The following RC3H1 variants were observed in gnomAD, a reference collection of about 807,000 sequenced individuals.
The protein encoded by RC3H1 is roquin-1.
A neutral mutation model predicts 138.2 loss-of-function variants in RC3H1; 50 were observed. The observed-to-expected ratio is 0.36, with a 90% CI of 0.29 to 0.46. The LOEUF (loss-of-function observed/expected upper bound fraction) is 0.46. Among genes scored for constraint, RC3H1 ranks in the 20% least tolerant of loss-of-function variants. The pLI is 1.00. For synonymous variants in RC3H1, 462 were observed against 489.1 expected, an observed-to-expected ratio of 0.94 and a Z score of 0.73; for missense variants, 1,031 against 1,388.1, an observed-to-expected ratio of 0.74 and a Z score of 4.09.
intron 1 of RC3H1, among the ~76,000 whole-genome samples, chr1:173,998,184 T>C (rs745822891): frequency 4.6e-5 from 7 of 152,148 alleles, no homozygotes; most frequent in Admixed American, 2.0e-4. Flanking sequence ...ATTCTACTAA[T>C]CAAAGCACAT....
At chr1:173,947,315 G>A (rs1659175966) in intron 15 of RC3H1, 54 bp downstream of exon 15, 15 of 1,248,950 alleles carry the variant, frequency 1.2e-5, no homozygotes, top group South Asian at 1.1e-4. Flanking sequence ...CAGGGGTAAT[G>A]CTGAAAGTCA....
At chr1:174,007,780 A>AT (rs934146536) in intron 1 of RC3H1, among the ~76,000 whole-genome samples, 3 of 152,070 alleles carry the variant, frequency 2.0e-5, no homozygotes, top group South Asian at 2.1e-4. Context: ...TTTTTGTTAG[A>AT]TTTTTTTTCC....
chr1:173,940,373 AG>A (rs1323840607), intron 19 of RC3H1, among the ~76,000 whole-genome samples: 1 of 152,154 alleles, frequency 6.6e-6, no homozygotes, highest in Admixed American at 6.6e-5. Flanking sequence ...CGAGAGGCTA[AG>A]GCAGGAGAAT....
rs969519634 is a variant in RC3H1, at chr1:173,993,071, AG to A, written c.-87del. On this transcript the variant is annotated 5_prime_UTR_variant, in exon 2 of 20. Transcript: ENST00000367696. ...ACTGGAATCAAAATCTTTGAAAAAA[AG>A]TTTATCTTTTTTTTTTTTAAATATC... is the stretch of plus-strand genomic sequence containing the variant. 6.1e-5 allele frequency: 62 copies of A among 1,010,730 alleles called. No homozygotes were observed. Among genetic ancestry groups the A allele is most frequent in the Non-Finnish European group, 9.3e-5 (62 of 669,872 alleles). The allele number at this position is 1,010,730 out of a possible 1,614,324, so 62.6% of individuals were successfully genotyped here. A position where few individuals can be genotyped will look rare whatever the true frequency, so the allele number is the denominator to read the frequency against.
chr1:173,939,120 G>A (rs990034108), intron 19 of RC3H1, among the ~76,000 whole-genome samples: 2 of 151,624 alleles, frequency 1.3e-5, no homozygotes, highest in African/African-American at 4.9e-5. Flanking sequence ...TTTGTTTAAC[G>A]TATTATCCAC....
intron 2 of RC3H1, among the ~76,000 whole-genome samples, chr1:173,990,628 A>C (rs1051704596): frequency 6.7e-6 from 1 of 149,774 alleles, no homozygotes; most frequent in Non-Finnish European, 1.5e-5. Context: ...GCTGGAGTGC[A>C]GTGGTGCGAT....
chr1:173,948,184 A>G (rs1366084731), intron 14 of RC3H1, among the ~76,000 whole-genome samples: 1 of 152,216 alleles, frequency 6.6e-6, no homozygotes, highest in East Asian at 1.9e-4. Flanking sequence ...AAAATGGGCC[A>G]GTTTTCCAAA....
In RC3H1 at chr1:174,022,028, A is replaced by G. The variant is rs1661976795; in HGVS notation, c.-151+68T>C. The G allele has an allele frequency of 2.6e-6, 1 of 390,922 alleles. No individual in the cohort carries two copies. The highest frequency in any genetic ancestry group is 3.7e-5 in the East Asian group (1 of 27,374). 24.2% of individuals were successfully genotyped at this position (390,922 alleles called of 1,614,324 possible). A position where few individuals can be genotyped will look rare whatever the true frequency, so the allele number is the denominator to read the frequency against. ...AAACCCTTCCCGACCACAGCTGCCT[A>G]TTGTTCCCGACTGAGGCCCCGGCCG... On this transcript the variant is annotated intron_variant, in intron 1 of 19. Transcript: ENST00000367696. This position sits in a 1 kb window ranked among gnomAD's most constrained non-coding sequence, Gnocchi z 4.2.
chr1:173,952,130 A>C lies in RC3H1; in HGVS notation c.2379T>G (p.Asp793Glu). The C allele has an allele frequency of 6.6e-7, 1 of 1,510,554 alleles. No individual in the cohort carries two copies. The allele number at this position is 1,510,554 out of a possible 1,614,324, so 93.6% of individuals were successfully genotyped here. A position where few individuals can be genotyped will look rare whatever the true frequency, so the allele number is the denominator to read the frequency against. The change falls in exon 14 of 20, where the codon GAT (aspartate) becomes GAG (glutamate). Residue 793 changes from aspartate to glutamate, a missense_variant. Asp to Glu is a conservative substitution (Grantham distance 45). Around this residue, in one of 7 missense-constraint regions of RC3H1, gnomAD observed 716 missense variants for 837.9 expected, o/e 0.85. Transcript: ENST00000367696. ...PPTFHPEEFL[D>E]EDLKVAGKYK... ...ATTTCCCAGCTACCTTCAAGTCTTC[A>C]TCCAAAAACTACAGATGGAGAAAGA...
intron 2 of RC3H1, among the ~76,000 whole-genome samples, chr1:173,989,297 G>A (rs189801824): frequency 2.9e-4 from 44 of 151,460 alleles, no homozygotes; most frequent in Non-Finnish European, 5.6e-4. Flanking sequence ...CTGGGCTCAG[G>A]TGATGCTCCC....
chr1:173,942,022 C>T (rs1195926113), intron 18 of RC3H1, among the ~76,000 whole-genome samples: 1 of 146,544 alleles, frequency 6.8e-6, no homozygotes, highest in Middle Eastern at 4.0e-3. Flanking sequence ...GCGTATCACC[C>T]GAGGTCAGGA....
At chr1:173,978,276 G>A (rs532975154) in intron 7 of RC3H1, among the ~76,000 whole-genome samples, 2 of 152,118 alleles carry the variant, frequency 1.3e-5, no homozygotes, top group Admixed American at 6.6e-5. Flanking sequence ...GATGAAATGA[G>A]CAACAGTATA....
chr1:173,974,156 TG>T (rs1223110550), intron 7 of RC3H1, among the ~76,000 whole-genome samples: 1 of 151,924 alleles, frequency 6.6e-6, no homozygotes, highest in African/African-American at 2.4e-5. Flanking sequence ...GGCACACGCC[TG>T]TAGTCCCAGC....
chr1:173,951,322 T>TCC (rs149177436), intron 14 of RC3H1, among the ~76,000 whole-genome samples: 25 of 148,450 alleles, frequency 1.7e-4, no homozygotes, highest in East Asian at 5.9e-4. Flanking sequence ...TGAAACTCCA[T>TCC]CCCCCCCCCA....
chr1:173,980,735 T>C, intron 6 of RC3H1, 74 bp downstream of exon 6: 1 of 1,124,850 alleles, frequency 8.9e-7, no homozygotes, highest in South Asian at 1.4e-5. Flanking sequence ...GTATTCACTT[T>C]AATATACATT....
At chr1:174,007,928 C>T (rs1661682402) in intron 1 of RC3H1, among the ~76,000 whole-genome samples, 1 of 152,112 alleles carries the variant, frequency 6.6e-6, no homozygotes, top group South Asian at 2.1e-4. Flanking sequence ...TCATGTTGAA[C>T]TGGAAGGAAC....
intron 17 of RC3H1, among the ~76,000 whole-genome samples, chr1:173,944,796 A>G (rs569161554): frequency 1.3e-5 from 2 of 152,342 alleles, no homozygotes; most frequent in Admixed American, 6.5e-5. Flanking sequence ...TAAAATTCCT[A>G]AATCTAATTG....
Position 173,983,534 on chromosome 1 carries a change from C to T in RC3H1, c.476G>A (p.Arg159Gln). ...TGTAACTGTTCGTTCACCTAAAGAT[C>T]GAGCTGCCCTCATGGCACGAATCCT... ...EGRIRAMRAA[R>Q]SLGERTVTEL... Residue 159 changes from arginine (R) to glutamine (Q), a missense_variant, in exon 4 of 20, where the codon CGA becomes CAA. This residue lies in a region of RC3H1 where 53 missense variants were observed against 137.4 expected (regional missense o/e 0.39). Coordinates refer to ENST00000367696, the MANE Select transcript of RC3H1 (RefSeq NM_172071.4). The T allele has an allele frequency of 6.2e-7, 1 of 1,614,180 alleles. No homozygotes were observed. Among genetic ancestry groups the T allele is most frequent in the Non-Finnish European group, 8.5e-7 (1 of 1,180,036 alleles).
chr1:173,986,095 C>T (rs779845637), intron 2 of RC3H1, among the ~76,000 whole-genome samples: 1 of 152,102 alleles, frequency 6.6e-6, no homozygotes, highest in Non-Finnish European at 1.5e-5. Context: ...CATCTCGGCT[C>T]ACTGCAACCT....
Sources: gnomAD v4.1 joint callset for allele counts (sites outside exome capture counted in the v4.1 genomes callset) on GRCh38, gnomAD v4.1.1 for gene constraint, gnomAD v4.1.1 regional missense constraint, Gnocchi (gnomAD v3.1) non-coding constraint, MANE v1.5 for transcripts, NCBI Gene and HGNC (gene_info 2026-07-23, HGNC 2026-07-21) for gene names.